PLOD1: variants seen among roughly 807,000 people sequenced by gnomAD.
The protein encoded by PLOD1 is procollagen-lysine,2-oxoglutarate 5-dioxygenase 1, also known as lysine hydroxylase.
A neutral mutation model predicts 94.7 loss-of-function variants in PLOD1; 70 were observed. The ratio of observed to expected loss-of-function variants is 0.74; its 90% confidence interval spans 0.61 to 0.90. The LOEUF is 0.90. Ranked by LOEUF, PLOD1 falls within the 40% of genes least tolerant of loss-of-function variation. The probability of loss-of-function intolerance (pLI) is 0.00; values close to 1 mark genes in which losing one functional copy is unlikely to be tolerated. For missense variants in PLOD1, 905 were observed against 972.7 expected (o/e 0.93, Z 0.93); for synonymous variants, 417 against 400.2 (o/e 1.04, Z -0.50).
intron 10 of PLOD1, among the ~76,000 whole-genome samples, chr1:11,962,035 C>T (rs747508963): frequency 2.0e-5 from 3 of 152,104 alleles, no homozygotes; most frequent in Non-Finnish European, 4.4e-5. Flanking sequence ...GTGATCCGCC[C>T]GCCTTGGCCT....
At chr1:11,948,272 G>A (rs1006265846) in intron 2 of PLOD1, among the ~76,000 whole-genome samples, 2 of 152,182 alleles carry the variant, frequency 1.3e-5, no homozygotes, top group African/African-American at 4.8e-5. Context: ...GTGATGGAGA[G>A]GGAAAGAGTT....
chr1:11,964,133 C>G (rs1292995566), intron 11 of PLOD1, 42 bp from the exon 12 acceptor site: 1 of 1,608,946 alleles, frequency 6.2e-7, no homozygotes, highest in South Asian at 1.1e-5. Context: ...CTCCTACTCC[C>G]AGTGGGCAGC....
chr1:11,949,229 C>T (rs916370344), intron 2 of PLOD1, among the ~76,000 whole-genome samples: 2 of 151,946 alleles, frequency 1.3e-5, no homozygotes, highest in African/African-American at 4.8e-5. Context: ...CCAGGGAAGG[C>T]GCTGATAGGC....
At chr1:11,966,885 A>C in intron 15 of PLOD1, 102 bp from the exon 16 acceptor site, 1 of 798,930 alleles carries the variant, frequency 1.3e-6, no homozygotes. Context: ...CTCCCCGGGG[A>C]CACTGGGAGG....
rs6678553 is a variant in PLOD1 at position 11,966,033 on chromosome 1, A to G, written c.1585-218A>G. On this transcript the variant is annotated intron_variant, in intron 14 of 18. Coordinates refer to ENST00000196061, the MANE Select transcript of PLOD1 (RefSeq NM_000302.4). ...TAAGCACATGCCTGCACACAGACAT[A>G]TACACACAAGCACACACATGTACAT... Among the ~76,000 whole-genome samples the G allele has an allele frequency of 0.58, 87,833 of 152,000 alleles. 27,426 individuals carry two copies. The highest frequency in any genetic ancestry group is 0.81 in the African/African-American group (33,589 of 41,496).
At position 11,969,299 on chromosome 1, in the gene PLOD1, A is replaced by C. The variant is rs376439264; in HGVS notation, c.1756-1371A>C. 7.9e-5 allele frequency among the ~76,000 whole-genome samples: 12 copies of C among 152,136 alleles called. No individual in the cohort carries two copies. The East Asian group carries it at 1.5e-3, about 20-fold the overall frequency. On this transcript the variant is annotated intron_variant, in intron 16 of 18. Coordinates refer to ENST00000196061, the MANE Select transcript of PLOD1 (RefSeq NM_000302.4). ...CCACCGTGCCTGGCCTCATTTTCTA[A>C]GTTGTTTAACAGAAATGTGTGTTCC...
chr1:11,959,152 C>T (rs1013546464), intron 9 of PLOD1, among the ~76,000 whole-genome samples: 6 of 151,782 alleles, frequency 4.0e-5, no homozygotes, highest in African/African-American at 1.5e-4. Context: ...TTGCAGTGAG[C>T]CGAGATTGCG....
intron 15 of PLOD1, among the ~76,000 whole-genome samples, 185 bp from the exon 16 acceptor site, chr1:11,966,802 C>T (rs115780825): frequency 1.9e-3 from 287 of 152,260 alleles, no homozygotes; most frequent in Non-Finnish European, 3.1e-3. Flanking sequence ...TCTGTGACCT[C>T]GGCTGGGAAA....
chr1:11,946,599 C>T (rs1645656166), intron 1 of PLOD1, among the ~76,000 whole-genome samples: 1 of 152,090 alleles, frequency 6.6e-6, no homozygotes, highest in Admixed American at 6.6e-5. Flanking sequence ...ATTTGCTGTC[C>T]CTGGGCTAAT....
chr1:11,967,125 G>A (rs779460988), intron 16 of PLOD1, 34 bp downstream of exon 16: 1 of 1,386,364 alleles, frequency 7.2e-7, no homozygotes, highest in Admixed American at 1.7e-5. Flanking sequence ...GGGCCGCAGG[G>A]AGGCTGCCTC....
intron 1 of PLOD1, among the ~76,000 whole-genome samples, chr1:11,939,871 G>A (rs1645604388): frequency 6.6e-6 from 1 of 152,152 alleles, no homozygotes. Context: ...GCCTCCCAAA[G>A]TGCTAGGATT....
At chr1:11,942,525 G>T (rs1166102478) in intron 1 of PLOD1, among the ~76,000 whole-genome samples, 1 of 152,196 alleles carries the variant, frequency 6.6e-6, no homozygotes, top group Non-Finnish European at 1.5e-5. Flanking sequence ...GTAGACTGGA[G>T]GCCTCTTTAG....
At chr1:11,939,883 C>T (rs946885541) in intron 1 of PLOD1, among the ~76,000 whole-genome samples, 3 of 152,186 alleles carry the variant, frequency 2.0e-5, no homozygotes, top group African/African-American at 7.2e-5. Flanking sequence ...GCTAGGATTA[C>T]AGGTGTGAGC....
chr1:11,953,352 G>A (rs752644565), intron 5 of PLOD1, among the ~76,000 whole-genome samples: 4 of 150,812 alleles, frequency 2.7e-5, no homozygotes, highest in Admixed American at 6.6e-5. Context: ...CACCGTGCCC[G>A]GCTGTCGGGT....
At chr1:11,952,805 C>A in intron 5 of PLOD1, 70 bp downstream of exon 5, 1 of 1,081,924 alleles carries the variant, frequency 9.2e-7, no homozygotes, top group Non-Finnish European at 1.4e-6. Flanking sequence ...GGGAACAGCT[C>A]CTCTCAGGCC....
Position 11,957,134 on chromosome 1 carries a change from C to T in PLOD1, c.741+120C>T, listed in dbSNP as rs760033550. On this transcript the variant is annotated intron_variant, in intron 7 of 18. Coordinates refer to ENST00000196061, the MANE Select transcript of PLOD1 (RefSeq NM_000302.4). The surrounding 1 kb of genome is among the most constrained non-coding windows in gnomAD (Gnocchi z 4.1). ...CCACCTTCCTGGGGCCTGCTATGAA[C>T]TCACTGCCTCTGTCCTCACATCTGA... 6.4e-6 allele frequency: 5 copies of T among 780,674 alleles called. No homozygotes were observed. The highest frequency in any genetic ancestry group is 2.3e-4 in the Middle Eastern group (1 of 4,430). 48.4% of individuals were successfully genotyped at this position (780,674 alleles called of 1,614,324 possible).
intron 11 of PLOD1, 73 bp from the exon 12 acceptor site, chr1:11,964,102 C>T (rs1480441013): frequency 1.4e-6 from 2 of 1,479,394 alleles, no homozygotes; most frequent in Admixed American, 1.7e-5. Flanking sequence ...CCTACCTCCC[C>T]CCATCCCTGG....
intron 18 of PLOD1, among the ~76,000 whole-genome samples, chr1:11,974,446 G>A (rs1569745202): frequency 1.3e-5 from 2 of 152,246 alleles, no homozygotes; most frequent in Admixed American, 1.3e-4. Flanking sequence ...GCCTGCCAAA[G>A]TGCTGGGATT....
At chr1:11,964,845 C>T (rs773599318) in intron 13 of PLOD1, 60 bp downstream of exon 13, 1 of 1,576,088 alleles carries the variant, frequency 6.3e-7, no homozygotes, top group East Asian at 2.2e-5. Context: ...GAAGGTGGGC[C>T]TCCAGCTCTG....
Sources: gnomAD v4.1 joint callset for allele counts (sites outside exome capture counted in the v4.1 genomes callset) on GRCh38, gnomAD v4.1.1 for gene constraint, Gnocchi (gnomAD v3.1) non-coding constraint, MANE v1.5 for transcripts, NCBI Gene and HGNC (gene_info 2026-07-23, HGNC 2026-07-21) for gene names.